STN1: variants seen among roughly 807,000 people sequenced by gnomAD.
STN1 encodes the protein STN1 subunit of CST complex.
Under a neutral mutation model 45.5 loss-of-function variants are expected in STN1, and 29 were observed. The ratio of observed to expected loss-of-function variants is 0.64; its 90% confidence interval spans 0.47 to 0.87. STN1 has a LOEUF of 0.87. Among genes scored for constraint, STN1 ranks in the 40% least tolerant of loss-of-function variants. The pLI, the probability that STN1 is intolerant of heterozygous loss-of-function variation, is 0.00. For missense variants in STN1, 376 were observed against 441.4 expected (o/e 0.85, Z 1.33); for synonymous variants, 148 against 159.0 (o/e 0.93, Z 0.52).
At position 103,905,103 on chromosome 10, in the gene STN1, C is replaced by A; in HGVS notation, c.283G>T (p.Glu95Ter). 1 of 1,613,874 alleles carries A rather than the reference C, an allele frequency of 6.2e-7. No homozygotes were observed. Residue 95 changes from glutamate to a stop codon, truncating the protein, a stop_gained, in exon 4 of 10, where the codon GAG becomes TAG. Transcript: ENST00000224950. LOFTEE classifies it high-confidence loss of function. The part of the protein sequence containing the change: ...NCICWKKLNT[E>*]SVSAAPSAAR... Reference sequence around the variant, plus strand: ...CAAATAAAATTACCTGATACAGACTCAGTATTCAACTTTTTCCAGCAGATG... The same window carrying A: ...CAAATAAAATTACCTGATACAGACTAAGTATTCAACTTTTTCCAGCAGATG...
chr10:103,912,489 G>C (rs764102205), intron 2 of STN1, among the ~76,000 whole-genome samples: 3 of 152,234 alleles, frequency 2.0e-5, no homozygotes, highest in Non-Finnish European at 4.4e-5. Flanking sequence ...AGCCTGCAGA[G>C]AAGGGAGATC....
rs372962283 is a variant in STN1 at position 103,881,327 on chromosome 10, T to A, written c.*1357A>T. ...TGAACTCCTTCCTGGGCAGCCCCAC[T>A]AATCAGATGCATTCAACGTGGAACA... On this transcript the variant is annotated 3_prime_UTR_variant, in exon 10 of 10. Coordinates refer to ENST00000224950, the MANE Select transcript of STN1 (RefSeq NM_024928.5). Among the ~76,000 whole-genome samples, 1 of 152,226 alleles carries A rather than the reference T, an allele frequency of 6.6e-6. No individual in the cohort carries two copies. Among genetic ancestry groups the A allele is most frequent in the African/African-American group, 2.4e-5 (1 of 41,460 alleles).
At chr10:103,891,007 AG>A in intron 8 of STN1, among the ~76,000 whole-genome samples, 1 of 152,196 alleles carries the variant, frequency 6.6e-6, no homozygotes, top group East Asian at 1.9e-4. Flanking sequence ...TGAAAGAGTG[AG>A]GCAAACAAGC....
intron 2 of STN1, among the ~76,000 whole-genome samples, chr10:103,914,361 TA>T (rs57610917): frequency 0.076 from 2,646 of 34,672 alleles, 202 homozygotes; most frequent in African/African-American, 0.13. Context: ...TATATATATA[TA>T]TATATATATA....
At chr10:103,895,911 C>T (rs949209290) in intron 7 of STN1, among the ~76,000 whole-genome samples, 13 of 152,162 alleles carry the variant, frequency 8.5e-5, no homozygotes, top group African/African-American at 2.9e-4. Flanking sequence ...CCTATATGTA[C>T]GGCTAGGAAA....
At chr10:103,906,058 C>T (rs749640071) in intron 3 of STN1, among the ~76,000 whole-genome samples, 3 of 152,114 alleles carry the variant, frequency 2.0e-5, no homozygotes, top group Non-Finnish European at 4.4e-5. Flanking sequence ...CTGAAGAAAT[C>T]TAAGGCAAAA....
At chr10:103,891,689 AT>A in intron 8 of STN1, among the ~76,000 whole-genome samples, 1 of 152,352 alleles carries the variant, frequency 6.6e-6, no homozygotes, top group East Asian at 1.9e-4. Flanking sequence ...TTGTATATGT[AT>A]GCATCTGTAA....
rs1373352919 is a variant in STN1, at chr10:103,880,455, A to G, written c.*2229T>C. Among the ~76,000 whole-genome samples the G allele has an allele frequency of 6.6e-6, 1 of 152,142 alleles. No homozygotes were observed. Among genetic ancestry groups the G allele is most frequent in the Admixed American group, 6.5e-5 (1 of 15,280 alleles). ...AGCCTTCAGGCTGATCTTTGCTTGA[A>G]CGTGGGGTTTCATTTGGGACCCTCC... is the stretch of plus-strand genomic sequence containing the variant. On this transcript the variant is annotated 3_prime_UTR_variant, in exon 10 of 10. Transcript: ENST00000224950.
chr10:103,905,202 T>C, intron 3 of STN1, 46 bp from the exon 4 acceptor site: 1 of 1,529,732 alleles, frequency 6.5e-7, no homozygotes, highest in Non-Finnish European at 9.1e-7. Flanking sequence ...TGGGCAAGGC[T>C]GGTGAATTAG....
At chr10:103,907,827 TA>T (rs35393286) in intron 3 of STN1, among the ~76,000 whole-genome samples, 3,021 of 145,846 alleles carry the variant, frequency 0.021, 23 homozygotes, top group African/African-American at 0.038. Context: ...AATAGAAAGT[TA>T]AAAAAAAAAA....
In STN1 at chr10:103,917,557, G is replaced by C. The variant is rs540267852; in HGVS notation, c.38C>G (p.Pro13Arg). Residue 13 changes from proline (P) to arginine (R), a missense_variant, in exon 2 of 10, where the codon CCT becomes CGT. Coordinates refer to ENST00000224950, the MANE Select transcript of STN1 (RefSeq NM_024928.5). ...PGSSRCEEET[P>R]SLLWGLDPVF... ...AGGATCCAAACCCCACAAGAGGGAA[G>C]GGGTCTCCTCTTCACACCGGCTGGA... The C allele has an allele frequency of 1.2e-6, 2 of 1,614,130 alleles. No individual in the cohort carries two copies. The highest frequency in any genetic ancestry group is 4.5e-5 in the East Asian group (2 of 44,880).
In STN1 at chr10:103,909,452, GTATATATGTA is replaced by G. The variant is rs1469247739; in HGVS notation, c.229+1065_229+1074del. On this transcript the variant is annotated intron_variant, in intron 3 of 9. Transcript: ENST00000224950. ...TATATATGTATATATATGTATATAT[GTATATATGTA>G]TATATATGTATATATGTATATATAT... Among the ~76,000 whole-genome samples, 58 of 59,354 alleles carry G rather than the reference GTATATATGTA, an allele frequency of 9.8e-4. 1 individual carries two copies. Among genetic ancestry groups the G allele is most frequent in the East Asian group, 1.8e-3 (2 of 1,116 alleles). 38.9% of individuals were successfully genotyped at this position (59,354 alleles called of 152,430 possible).
chr10:103,895,811 G>C (rs1233137603), intron 7 of STN1, among the ~76,000 whole-genome samples: 2 of 152,216 alleles, frequency 1.3e-5, no homozygotes, highest in African/African-American at 4.8e-5. Flanking sequence ...GTTGGTGATG[G>C]CAAGAGATCA....
In STN1 at chr10:103,881,313, C is replaced by T. The variant is rs1028226748; in HGVS notation, c.*1371G>A. Among the ~76,000 whole-genome samples, 2 of 152,196 alleles carry T rather than the reference C, an allele frequency of 1.3e-5. No homozygotes were observed. The highest frequency in any genetic ancestry group is 2.9e-5 in the Non-Finnish European group (2 of 68,028). Reference sequence around the variant, plus strand: ...TTACCTTCTGATTCTGAACTCCTTCCTGGGCAGCCCCACTAATCAGATGCA... The same window carrying T: ...TTACCTTCTGATTCTGAACTCCTTCTTGGGCAGCCCCACTAATCAGATGCA... On this transcript the variant is annotated 3_prime_UTR_variant, in exon 10 of 10. Transcript: ENST00000224950.
At chr10:103,885,389 T>C (rs1843096971) in intron 9 of STN1, among the ~76,000 whole-genome samples, 1 of 152,126 alleles carries the variant, frequency 6.6e-6, no homozygotes. Context: ...CCTGGATGCT[T>C]GGACCCAGGG....
rs193264669 is a variant in STN1, at chr10:103,879,991, C to T, written c.*2693G>A. ...CAAGCCAGGGACCTCTGGCTGGTGA[C>T]GGCCCACCTGGGCCTCGCTTGACCA... On this transcript the variant is annotated 3_prime_UTR_variant, in exon 10 of 10. Transcript: ENST00000224950. Among the ~76,000 whole-genome samples, 4 of 152,316 alleles carry T rather than the reference C, an allele frequency of 2.6e-5. No homozygotes were observed. The highest frequency in any genetic ancestry group is 2.1e-4 in the South Asian group (1 of 4,822).
At chr10:103,892,435 C>A (rs1289921017) in intron 7 of STN1, among the ~76,000 whole-genome samples, 183 bp from the exon 8 acceptor site, 1 of 151,736 alleles carries the variant, frequency 6.6e-6, no homozygotes, top group Non-Finnish European at 1.5e-5. Flanking sequence ...GAAGTGTGCC[C>A]CGGCAGGTCA....
intron 9 of STN1, among the ~76,000 whole-genome samples, chr10:103,883,645 C>T (rs1843085460): frequency 6.6e-6 from 1 of 152,076 alleles, no homozygotes; most frequent in Non-Finnish European, 1.5e-5. Flanking sequence ...ATAAATTAGC[C>T]TAATAATGCC....
chr10:103,880,658 C>A lies in STN1; in HGVS notation c.*2026G>T, dbSNP rs539571378. ...CTGCAGTTCAGGGAAGAGGCCCATTCTGGGTTTAAACTGAGGTGTTAGACA... is the reference window on the plus strand; with the variant it reads ...CTGCAGTTCAGGGAAGAGGCCCATTATGGGTTTAAACTGAGGTGTTAGACA... On this transcript the variant is annotated 3_prime_UTR_variant, in exon 10 of 10. Transcript: ENST00000224950. Among the ~76,000 whole-genome samples the A allele has an allele frequency of 2.6e-5, 4 of 152,300 alleles. No individual in the cohort carries two copies. The highest frequency in any genetic ancestry group is 4.1e-4 in the South Asian group (2 of 4,824).
Sources: gnomAD v4.1 joint callset for allele counts (sites outside exome capture counted in the v4.1 genomes callset) on GRCh38, gnomAD v4.1.1 for gene constraint, MANE v1.5 for transcripts, NCBI Gene and HGNC (gene_info 2026-07-23, HGNC 2026-07-21) for gene names.